PDGFD: variants seen among roughly 807,000 people sequenced by gnomAD.
The protein encoded by PDGFD is platelet derived growth factor D.
A neutral mutation model predicts 44.7 loss-of-function variants in PDGFD; 30 were observed. The ratio of observed to expected loss-of-function variants is 0.67; its 90% CI spans 0.50 to 0.91. The LOEUF (loss-of-function observed/expected upper bound fraction) is 0.91, where lower values mean the gene tolerates loss of function less well. Among genes scored for constraint, PDGFD ranks in the 40% least tolerant of loss-of-function variants. The pLI, the probability that PDGFD is intolerant of heterozygous loss-of-function variation, is 0.00. For missense variants in PDGFD, 445 were observed against 457.8 expected, an observed-to-expected ratio of 0.97 and a Z score of 0.25; for synonymous variants, 173 against 168.4, an observed-to-expected ratio of 1.03 and a Z score of -0.21.
rs187659983 is a variant in PDGFD at position 103,914,491 on chromosome 11, C to T, written c.988-4672G>A. ...CAACCAAAAAAAGTCCAGGACCAGA[C>T]GGATTCACAGCCAAATTCTACCAGA... On this transcript the variant is annotated intron_variant, in intron 6 of 6. Transcript: ENST00000393158. Among the ~76,000 whole-genome samples, 181 of 152,216 alleles carry T rather than the reference C, an allele frequency of 1.2e-3. 1 individual carries two copies. The highest frequency in any genetic ancestry group is 5.9e-4 in the Non-Finnish European group (40 of 68,010).
intron 1 of PDGFD, among the ~76,000 whole-genome samples, chr11:104,033,052 GT>G (rs1860154698): frequency 7.7e-6 from 1 of 129,798 alleles, no homozygotes; most frequent in Non-Finnish European, 1.5e-5. Flanking sequence ...GTTTAGGGGT[GT>G]GTGTGTGTGT....
At chr11:104,107,519 A>G (rs1171411226) in intron 1 of PDGFD, among the ~76,000 whole-genome samples, 1 of 152,222 alleles carries the variant, frequency 6.6e-6, no homozygotes, top group African/African-American at 2.4e-5. Context: ...TCTGTGAGAT[A>G]ATAAATGTGT....
chr11:104,107,400 G>A (rs1441610467), intron 1 of PDGFD, among the ~76,000 whole-genome samples: 3 of 152,082 alleles, frequency 2.0e-5, no homozygotes, highest in Non-Finnish European at 2.9e-5. Context: ...CAAACAGTGC[G>A]CTTAGAAGAG....
At chr11:103,943,679 C>G in intron 4 of PDGFD, 29 bp from the exon 5 acceptor site, 1 of 1,571,144 alleles carries the variant, frequency 6.4e-7, no homozygotes, top group Non-Finnish European at 8.7e-7. Context: ...TCAGTGTACT[C>G]AGAATAAGTC....
At chr11:104,129,352 A>G (rs1335356349) in intron 1 of PDGFD, among the ~76,000 whole-genome samples, 1 of 151,742 alleles carries the variant, frequency 6.6e-6, no homozygotes, top group East Asian at 2.0e-4. Flanking sequence ...ACAGCCGCAT[A>G]AAGATTTAAC....
At chr11:104,146,798 C>CTA (rs1862169040) in intron 1 of PDGFD, among the ~76,000 whole-genome samples, 1 of 151,804 alleles carries the variant, frequency 6.6e-6, no homozygotes, top group Non-Finnish European at 1.5e-5. Context: ...CTGAGTACCT[C>CTA]TATATATCAG....
intron 2 of PDGFD, 138 bp from the exon 3 acceptor site, chr11:103,996,383 G>T: frequency 1.2e-6 from 1 of 830,334 alleles, no homozygotes; most frequent in East Asian, 2.8e-5. Flanking sequence ...GTACAGAAAT[G>T]TTAAAAGGAA....
At chr11:104,044,253 A>C (rs543400188) in intron 1 of PDGFD, among the ~76,000 whole-genome samples, 1 of 152,332 alleles carries the variant, frequency 6.6e-6, no homozygotes, top group East Asian at 1.9e-4. Context: ...AAGTAGTCAT[A>C]ATCTTATTAA....
chr11:103,968,060 C>T (rs1208464082), intron 3 of PDGFD, among the ~76,000 whole-genome samples: 4 of 152,170 alleles, frequency 2.6e-5, no homozygotes, highest in South Asian at 2.1e-4. Flanking sequence ...CTCTGTTTTA[C>T]GTGACGTCTT....
chr11:103,922,416 C>A (rs1028270542), intron 6 of PDGFD, among the ~76,000 whole-genome samples: 1 of 152,114 alleles, frequency 6.6e-6, no homozygotes, highest in Non-Finnish European at 1.5e-5. Context: ...GCAGAAAGAT[C>A]ACTCTGACCT....
At chr11:104,061,905 G>T (rs1860723164) in intron 1 of PDGFD, among the ~76,000 whole-genome samples, 1 of 152,172 alleles carries the variant, frequency 6.6e-6, no homozygotes, top group Non-Finnish European at 1.5e-5. Context: ...ACCATGCCTG[G>T]CCGTTTCTGG....
At chr11:104,030,543 G>A (rs555878392) in intron 1 of PDGFD, among the ~76,000 whole-genome samples, 7 of 152,256 alleles carry the variant, frequency 4.6e-5, no homozygotes, top group South Asian at 4.1e-4. Flanking sequence ...CACAGCATTC[G>A]TTATTTTTTG....
At chr11:103,945,128 A>G (rs1209026096) in intron 4 of PDGFD, among the ~76,000 whole-genome samples, 1 of 152,164 alleles carries the variant, frequency 6.6e-6, no homozygotes, top group Non-Finnish European at 1.5e-5. Flanking sequence ...TTTGTCATAC[A>G]TTACGGAAGA....
chr11:103,927,049 C>T lies in PDGFD; in HGVS notation c.850G>A (p.Glu284Lys), dbSNP rs1035779291. The change falls in exon 6 of 7, where the codon GAG becomes AAG. Residue 284 changes from glutamate (E) to lysine (K), a missense_variant. Physicochemically the swap from Glu to Lys is moderately conservative, Grantham distance 56 (BLOSUM62 1). Transcript: ENST00000393158. ...PRNYSVNIRE[E>K]LKLANVVFFP... Reference sequence around the variant, plus strand: ...AAGACCACATTGGCCAACTTCAGCTCTTCTCTTATATTGACCGAGTAATTC... The same window carrying T: ...AAGACCACATTGGCCAACTTCAGCTTTTCTCTTATATTGACCGAGTAATTC... 2 of 1,614,090 alleles carry T rather than the reference C, an allele frequency of 1.2e-6. No homozygotes were observed. The highest frequency in any genetic ancestry group is 1.3e-5 in the African/African-American group (1 of 74,940).
At chr11:103,998,729 T>C (rs890059661) in intron 2 of PDGFD, among the ~76,000 whole-genome samples, 2 of 152,162 alleles carry the variant, frequency 1.3e-5, no homozygotes, top group African/African-American at 2.4e-5. Context: ...ACATAGAACA[T>C]GGAGGCAGTC....
intron 1 of PDGFD, chr11:104,037,195 T>C (rs1332193049): frequency 1.2e-6 from 2 of 1,613,590 alleles, no homozygotes; most frequent in Non-Finnish European, 1.7e-6. Flanking sequence ...TGCCCAGCGG[T>C]CACAGGGCTT....
At chr11:103,984,673 T>C (rs73602309) in intron 3 of PDGFD, among the ~76,000 whole-genome samples, 4,141 of 151,114 alleles carry the variant, frequency 0.027, 293 homozygotes, top group African/African-American at 0.096. Flanking sequence ...ACATGTTGTA[T>C]AGATGTACTT....
rs565155119 is a variant in PDGFD at position 104,106,789 on chromosome 11, G to A, written c.124+57015C>T. On this transcript the variant is annotated intron_variant, in intron 1 of 6. Transcript: ENST00000393158. ...GTCAGAATCTCACTCTGTTGCCCAG[G>A]TTGGAGTGCCGTGGCATGATCTCGG... Among the ~76,000 whole-genome samples, 3 of 151,490 alleles carry A rather than the reference G, an allele frequency of 2.0e-5. No individual in the cohort carries two copies. The East Asian group carries it at 5.8e-4, about 30-fold the overall frequency.
chr11:104,054,970 G>A (rs1329876215), intron 1 of PDGFD, among the ~76,000 whole-genome samples: 1 of 152,122 alleles, frequency 6.6e-6, no homozygotes, highest in Non-Finnish European at 1.5e-5. Context: ...AAACAATACT[G>A]ATCACTTAGA....
Sources: allele counts gnomAD v4.1 joint callset (sites outside exome capture counted in the v4.1 genomes callset), GRCh38; gene constraint gnomAD v4.1.1; transcripts MANE v1.5; gene names NCBI Gene and HGNC (gene_info 2026-07-23, HGNC 2026-07-21).